GPR20: variants seen among roughly 807,000 people sequenced by gnomAD.
GPR20 encodes CTD-3064M3.3.
For synonymous variants in GPR20, 241 were observed against 241.9 expected (o/e 1.00, Z 0.04); for missense variants, 494 against 527.4 (o/e 0.94, Z 0.62).
chr8:141,357,774 T>C lies in GPR20; in HGVS notation c.150A>G (p.Pro50=). The C allele has an allele frequency of 6.2e-7, 1 of 1,613,380 alleles. No homozygotes were observed. Among genetic ancestry groups the C allele is most frequent in the Non-Finnish European group, 8.5e-7 (1 of 1,179,946 alleles). ...CCGCCATCAGCGCCAGCCACAGGCC[T>C]GGGAAGGTGCCATGCAGCTCCTCGT... ...RLDEELHGTF[P]GLWLALMAVH... Residue 50 remains proline (P), a synonymous_variant, in exon 2 of 2, where the codon CCA becomes CCG. Coordinates refer to ENST00000377741, the MANE Select transcript of GPR20 (RefSeq NM_005293.3).
Position 141,356,980 on chromosome 8 carries a change from T to C in GPR20, c.944A>G (p.His315Arg), listed in dbSNP as rs774849870. The C allele has an allele frequency of 8.1e-6, 13 of 1,613,062 alleles. No homozygotes were observed. The African/African-American group carries it at 1.6e-4, about 20-fold the overall frequency. ...QATVRGLFGQ[H>R]GEREPSSGDV... is the part of the protein sequence containing the mutation. ...ACCGCTGCTGGGCTCACGCTCTCCG[T>C]GCTGGCCGAAGAGGCCTCGGACGGT... The change falls in exon 2 of 2, where the codon CAC becomes CGC. Residue 315 changes from histidine to arginine, a missense_variant. By Grantham distance (29) the His-to-Arg change is conservative. Coordinates refer to ENST00000377741, the MANE Select transcript of GPR20 (RefSeq NM_005293.3).
chr8:141,365,426 G>A (rs970812181), intron 1 of GPR20, among the ~76,000 whole-genome samples: 1 of 152,212 alleles, frequency 6.6e-6, no homozygotes, highest in Admixed American at 6.5e-5. Flanking sequence ...CCAGTGCCTG[G>A]GATCAGCCTT....
intron 1 of GPR20, among the ~76,000 whole-genome samples, chr8:141,358,265 C>T (rs762465072): frequency 1.4e-4 from 21 of 152,216 alleles, no homozygotes; most frequent in Non-Finnish European, 2.8e-4. Context: ...GAAACACGTG[C>T]GGTGCAGGGC....
chr8:141,361,921 T>C (rs1426652082), intron 1 of GPR20, among the ~76,000 whole-genome samples: 1 of 152,160 alleles, frequency 6.6e-6, no homozygotes, highest in Non-Finnish European at 1.5e-5. Context: ...AAGGCTTCGC[T>C]GAGCTCCTCC....
At chr8:141,361,882 G>A (rs1200903338) in intron 1 of GPR20, among the ~76,000 whole-genome samples, 1 of 152,140 alleles carries the variant, frequency 6.6e-6, no homozygotes, top group East Asian at 1.9e-4. Flanking sequence ...CCCTCCAGGT[G>A]GGCACACCTC....
At chr8:141,362,927 A>G (rs1157122132) in intron 1 of GPR20, among the ~76,000 whole-genome samples, 1 of 151,844 alleles carries the variant, frequency 6.6e-6, no homozygotes, top group Non-Finnish European at 1.5e-5. Context: ...TAATTTTTGT[A>G]TTTTTGGTAC....
At position 141,356,713 on chromosome 8, in the gene GPR20, G is replaced by A. The variant is rs976751081; in HGVS notation, c.*134C>T. On this transcript the variant is annotated 3_prime_UTR_variant, in exon 2 of 2. Coordinates refer to ENST00000377741, the MANE Select transcript of GPR20 (RefSeq NM_005293.3). ...CAACCACAGCACAGTGGCCTTAGAC[G>A]CTCAATGCGGTGCTCTGGGTAGCCA... 30 of 625,832 alleles carry A rather than the reference G, an allele frequency of 4.8e-5. No individual in the cohort carries two copies. The highest frequency in any genetic ancestry group is 1.2e-4 in the Admixed American group (4 of 33,214). The allele number at this position is 625,832 out of a possible 1,614,324, so 38.8% of individuals were successfully genotyped here. A position where few individuals can be genotyped will look rare whatever the true frequency, so the allele number is the denominator to read the frequency against.
In GPR20 at chr8:141,357,101, T is replaced by C; in HGVS notation, c.823A>G (p.Ser275Gly). ...ACGGCCACGTGGTAGACCACGAGGC[T>C]CGTGTGGTGTGGCATGTCGGGCCAC... ...ALWPDMPHHT[S>G]LVVYHVAVTL... The change falls in exon 2 of 2, where the codon AGC becomes GGC. Residue 275 changes from serine to glycine, a missense_variant. Physicochemically the swap from Ser to Gly is moderately conservative, Grantham distance 56. Coordinates refer to ENST00000377741, the MANE Select transcript of GPR20 (RefSeq NM_005293.3). The C allele has an allele frequency of 6.2e-7, 1 of 1,612,326 alleles. No homozygotes were observed. The highest frequency in any genetic ancestry group is 8.5e-7 in the Non-Finnish European group (1 of 1,179,928).
intron 1 of GPR20, among the ~76,000 whole-genome samples, chr8:141,363,049 G>A (rs7841697): frequency 0.35 from 53,260 of 152,086 alleles, 11,471 homozygotes; most frequent in African/African-American, 0.6. Flanking sequence ...TACTGCGCCC[G>A]GCCCCATCAC....
At chr8:141,364,265 G>A (rs922055680) in intron 1 of GPR20, among the ~76,000 whole-genome samples, 19 of 152,252 alleles carry the variant, frequency 1.2e-4, no homozygotes, top group Admixed American at 3.3e-4. Flanking sequence ...CACCCCAGAC[G>A]GCGTGGCCCT....
At chr8:141,365,895 C>G (rs1831807522) in intron 1 of GPR20, among the ~76,000 whole-genome samples, 1 of 152,196 alleles carries the variant, frequency 6.6e-6, no homozygotes, top group African/African-American at 2.4e-5. Context: ...ACGCGCAGTT[C>G]CCTATGTCCC....
intron 1 of GPR20, among the ~76,000 whole-genome samples, chr8:141,362,873 C>A (rs1449233033): frequency 1.3e-5 from 2 of 152,050 alleles, no homozygotes; most frequent in Non-Finnish European, 2.9e-5. Context: ...CATGCCTCAG[C>A]CTCTGGAGTA....
rs1275858490 is a variant in GPR20, at chr8:141,357,117, G to A, written c.807C>T (p.Asp269=). The A allele has an allele frequency of 6.2e-7, 1 of 1,611,784 alleles. No individual in the cohort carries two copies. The highest frequency in any genetic ancestry group is 8.5e-7 in the Non-Finnish European group (1 of 1,179,948). ...ARQVAVALWP[D]MPHHTSLVVY... is the part of the protein sequence containing the mutation. ...CCACGAGGCTCGTGTGGTGTGGCAT[G>A]TCGGGCCACAGCGCCACGGCCACTT... is the stretch of plus-strand genomic sequence containing the variant. The change falls in exon 2 of 2, where the codon GAC becomes GAT. Residue 269 remains aspartate, a synonymous_variant. Coordinates refer to ENST00000377741, the MANE Select transcript of GPR20 (RefSeq NM_005293.3).
intron 1 of GPR20, among the ~76,000 whole-genome samples, chr8:141,358,534 G>T (rs1405366177): frequency 2.0e-5 from 3 of 152,196 alleles, no homozygotes; most frequent in Admixed American, 6.5e-5. Context: ...CTTGTTCATG[G>T]TGGGGACCTC....
chr8:141,365,538 C>T (rs1050026767), intron 1 of GPR20, among the ~76,000 whole-genome samples: 4 of 152,192 alleles, frequency 2.6e-5, no homozygotes, highest in South Asian at 2.1e-4. Flanking sequence ...CCCAGCACTG[C>T]GGGCACAAAT....
Position 141,357,640 on chromosome 8 carries a change from A to G in GPR20, c.284T>C (p.Leu95Pro). The G allele has an allele frequency of 1.2e-6, 2 of 1,613,982 alleles. No individual in the cohort carries two copies. Among genetic ancestry groups the G allele is most frequent in the Non-Finnish European group, 8.5e-7 (1 of 1,180,002 alleles). Residue 95 changes from leucine (L) to proline (P), a missense_variant, in exon 2 of 2, where the codon CTG (leucine) becomes CCG (proline). Leu to Pro is a moderately conservative substitution (Grantham distance 98). Coordinates refer to ENST00000377741, the MANE Select transcript of GPR20 (RefSeq NM_005293.3). Reference sequence around the variant, plus strand: ...CCCTACCAGTAGATCGGTCACCACCAGGTTGATGGTGTAGATGACTGAGGG... The same window carrying G: ...CCCTACCAGTAGATCGGTCACCACCGGGTTGATGGTGTAGATGACTGAGGG... Reference protein sequence around the residue: ...KTPSVIYTINLVVTDLLVGLS... With the variant: ...KTPSVIYTINPVVTDLLVGLS...
At chr8:141,365,703 G>A (rs1210110053) in intron 1 of GPR20, among the ~76,000 whole-genome samples, 1 of 152,226 alleles carries the variant, frequency 6.6e-6, no homozygotes, top group Non-Finnish European at 1.5e-5. Flanking sequence ...GGCCAGAGGT[G>A]GGAAGGAGAG....
At chr8:141,366,977 T>C (rs1279307286) in intron 1 of GPR20, among the ~76,000 whole-genome samples, 4 of 152,252 alleles carry the variant, frequency 2.6e-5, no homozygotes, top group South Asian at 4.1e-4. Context: ...CTCACGCCCA[T>C]GTTCTCCCTC....
At chr8:141,363,804 A>T (rs1357092546) in intron 1 of GPR20, among the ~76,000 whole-genome samples, 1 of 152,200 alleles carries the variant, frequency 6.6e-6, no homozygotes, top group East Asian at 1.9e-4. Context: ...GTCCTGCCAC[A>T]TGTGAGACCA....
Sources: allele counts gnomAD v4.1 joint callset (sites outside exome capture counted in the v4.1 genomes callset), GRCh38; gene constraint gnomAD v4.1.1; transcripts MANE v1.5; gene names NCBI Gene and HGNC (gene_info 2026-07-23, HGNC 2026-07-21).